The following RAB27A variants were observed in gnomAD, a reference collection of about 807,000 sequenced individuals.
RAB27A encodes RAB27A, member RAS oncogene family, also known as ras-related protein Rab-27A.
RAB27A carries 17 observed loss-of-function variants against 20.8 expected under a neutral mutation model. The ratio of observed to expected loss-of-function variants is 0.82; its 90% CI spans 0.56 to 1.23. The LOEUF (loss-of-function observed/expected upper bound fraction) is 1.23. RAB27A is among the 50% of genes most tolerant of loss of function. RAB27A has a pLI of 0.00. For missense variants in RAB27A, 277 were observed against 266.7 expected (o/e 1.04, Z -0.27); for synonymous variants, 85 against 92.8 (o/e 0.92, Z 0.48).
intron 5 of RAB27A, among the ~76,000 whole-genome samples, chr15:55,227,929 C>A (rs923311899): frequency 7.2e-5 from 11 of 152,132 alleles, no homozygotes; most frequent in African/African-American, 2.7e-4. Context: ...ACTAACATGA[C>A]CAAACAGGGA....
At chr15:55,293,924 A>AG (rs1376046889), upstream of RAB27A, among the ~76,000 whole-genome samples, 3 of 152,068 alleles carry the variant, frequency 2.0e-5, no homozygotes, top group Non-Finnish European at 2.9e-5. Context: ...GATAAAAAAA[A>AG]AAGAAAAGAA....
intron 2 of RAB27A, among the ~76,000 whole-genome samples, chr15:55,252,518 C>T (rs1436649313): frequency 6.6e-6 from 1 of 152,110 alleles, no homozygotes; most frequent in Admixed American, 6.5e-5. Context: ...ACGAGAATGG[C>T]TTGAACCTGG....
chr15:55,212,941 A>T (rs1261555641), intron 6 of RAB27A, among the ~76,000 whole-genome samples: 1 of 152,206 alleles, frequency 6.6e-6, no homozygotes, highest in Non-Finnish European at 1.5e-5. Context: ...TTTTTCACAT[A>T]ATCTTGAGAA....
intron 2 of RAB27A, among the ~76,000 whole-genome samples, chr15:55,236,171 AAAAG>A (rs926595219): frequency 4.2e-5 from 6 of 142,718 alleles, no homozygotes; most frequent in Non-Finnish European, 7.4e-5. Flanking sequence ...AAATAAAAAA[AAAAG>A]AAAGAAAGAA....
At chr15:55,241,624 A>ATGTGTGTG (rs1555395487) in intron 2 of RAB27A, among the ~76,000 whole-genome samples, 72 of 117,412 alleles carry the variant, frequency 6.1e-4, no homozygotes, top group African/African-American at 3.0e-3. Flanking sequence ...ATATATATAT[A>ATGTGTGTG]TGTGTGTATA....
chr15:55,235,625 T>C (rs913366942), intron 2 of RAB27A, among the ~76,000 whole-genome samples: 43 of 151,930 alleles, frequency 2.8e-4, no homozygotes, highest in Admixed American at 6.6e-5. Flanking sequence ...AAAGAGAATG[T>C]TATAAGGAAT....
At chr15:55,224,935 G>A (rs1895736892) in intron 5 of RAB27A, among the ~76,000 whole-genome samples, 1 of 152,168 alleles carries the variant, frequency 6.6e-6, no homozygotes. Context: ...GTAGGCAGGT[G>A]TTTACTGAGC....
intron 2 of RAB27A, among the ~76,000 whole-genome samples, chr15:55,250,111 C>T (rs185267890): frequency 4.9e-4 from 74 of 152,062 alleles, no homozygotes; most frequent in African/African-American, 1.7e-3. Context: ...TAAAGGCCTG[C>T]GCAACCACGC....
chr15:55,217,663 CAAAAAAAAAAAAA>C (rs199813098), intron 6 of RAB27A, among the ~76,000 whole-genome samples: 129 of 43,554 alleles, frequency 3.0e-3, no homozygotes, highest in South Asian at 4.8e-3. Context: ...CACTCCATCT[CAAAAAAAAAAAAA>C]AAAAAAAAAA....
intron 2 of RAB27A, among the ~76,000 whole-genome samples, chr15:55,237,625 C>A (rs186239367): frequency 9.2e-5 from 14 of 152,202 alleles, no homozygotes; most frequent in African/African-American, 2.9e-4. Context: ...CATATCACAG[C>A]ATCACACCTG....
upstream of RAB27A, among the ~76,000 whole-genome samples, chr15:55,294,178 G>A (rs752163549): frequency 1.3e-5 from 2 of 152,000 alleles, no homozygotes; most frequent in African/African-American, 4.8e-5. Flanking sequence ...ATAGATAAGT[G>A]GAATAGGCTT....
At chr15:55,301,790 C>T (rs1361190180) in intron 2 of RAB27A, among the ~76,000 whole-genome samples, 1 of 151,718 alleles carries the variant, frequency 6.6e-6, no homozygotes, top group African/African-American at 2.4e-5. Context: ...GGACTACAGG[C>T]GTGTGCCACC....
At position 55,221,681 on chromosome 15, in the gene RAB27A, G is replaced by A. The variant is rs551977292; in HGVS notation, c.467+2208C>T. On this transcript the variant is annotated intron_variant, in intron 6 of 6. Transcript: ENST00000336787. ...TTTCTGGTTAGGGTGGGCCACAAAA[G>A]AGATTTGGGGGCAATTTTGGGGGTA... Among the ~76,000 whole-genome samples, 18 of 152,274 alleles carry A rather than the reference G, an allele frequency of 1.2e-4. No homozygotes were observed. In the South Asian group the frequency reaches 1.5e-3, roughly 12 times the overall value.
At position 55,206,708 on chromosome 15, in the gene RAB27A, A is replaced by T. The variant is rs1894668189; in HGVS notation, c.468-1003T>A. ...GTTTAAATTCCTCTAAGTGAAAAGT[A>T]AAACTTGAAAACTTTTAGAAGAACA... On this transcript the variant is annotated intron_variant, in intron 6 of 6. Transcript: ENST00000336787. Among the ~76,000 whole-genome samples, 3 of 152,214 alleles carry T rather than the reference A, an allele frequency of 2.0e-5. No individual in the cohort carries two copies. In the South Asian group the frequency reaches 6.2e-4, roughly 32 times the overall value.
At position 55,274,408 on chromosome 15, in the gene RAB27A, G is replaced by C. The variant is rs80201864; in HGVS notation, c.-142-4124C>G. On this transcript the variant is annotated intron_variant, in intron 1 of 6. Coordinates refer to ENST00000336787, the MANE Select transcript of RAB27A (RefSeq NM_183235.3). ...AAATAATAAAAATTGGAGCCAAAAT[G>C]AAATAGAGACCAAAAAAACAGAAAA... is the stretch of plus-strand genomic sequence containing the variant. 5.1e-3 allele frequency among the ~76,000 whole-genome samples: 771 copies of C among 152,058 alleles called. 13 individuals carry two copies. The highest frequency in any genetic ancestry group is 0.018 in the African/African-American group (729 of 41,476).
At chr15:55,269,169 T>G (rs953243985) in intron 2 of RAB27A, among the ~76,000 whole-genome samples, 1 of 152,184 alleles carries the variant, frequency 6.6e-6, no homozygotes, top group African/African-American at 2.4e-5. Context: ...AATCACACAG[T>G]TTTAAAGCCA....
At position 55,203,084 on chromosome 15, in the gene RAB27A, G is replaced by A. The variant is rs570680589; in HGVS notation, c.*2423C>T. 1.3e-5 allele frequency: 2 copies of A among 152,186 alleles called. No individual in the cohort carries two copies. The highest frequency in any genetic ancestry group is 4.1e-4 in the South Asian group (2 of 4,828). 9.4% of individuals were successfully genotyped at this position (152,186 alleles called of 1,614,324 possible). A position where few individuals can be genotyped will look rare whatever the true frequency, so the allele number is the denominator to read the frequency against. ...AATACATTGATGCACAAAAAATATAGTACTTCAATACCAAACTTAAATGAT... is the reference window on the plus strand; with the variant it reads ...AATACATTGATGCACAAAAAATATAATACTTCAATACCAAACTTAAATGAT... On this transcript the variant is annotated 3_prime_UTR_variant, in exon 7 of 7. Transcript: ENST00000336787.
chr15:55,316,802 T>C (rs1239845928), intron 1 of RAB27A, among the ~76,000 whole-genome samples: 1 of 152,158 alleles, frequency 6.6e-6, no homozygotes, highest in Non-Finnish European at 1.5e-5. Flanking sequence ...ATCTACCTTC[T>C]CTAAAACCTC....
intron 2 of RAB27A, among the ~76,000 whole-genome samples, chr15:55,269,226 A>T (rs866133105): frequency 1.3e-5 from 2 of 152,202 alleles, no homozygotes; most frequent in Admixed American, 6.5e-5. Context: ...AACTAATACA[A>T]TATCCAGAAG....
Sources: gnomAD v4.1 joint callset for allele counts (sites outside exome capture counted in the v4.1 genomes callset) on GRCh38, gnomAD v4.1.1 for gene constraint, MANE v1.5 for transcripts, NCBI Gene and HGNC (gene_info 2026-07-23, HGNC 2026-07-21) for gene names.